The following GRIN2A variants were observed in gnomAD, a reference collection of about 807,000 sequenced individuals.
GRIN2A encodes glutamate ionotropic receptor NMDA type subunit 2A.
Under a neutral mutation model 113.4 loss-of-function variants are expected in GRIN2A, and 22 were observed. The observed-to-expected ratio is 0.19, with a 90% confidence interval of 0.14 to 0.28. The LOEUF (loss-of-function observed/expected upper bound fraction) is 0.28, where lower values mean the gene tolerates loss of function less well. Ranked by LOEUF, GRIN2A falls within the 10% of genes least tolerant of loss-of-function variation. The pLI is 1.00. For synonymous variants in GRIN2A, 827 were observed against 738.4 expected, an observed-to-expected ratio of 1.12 and a Z score of -1.94; for missense variants, 1,502 against 1,887.0, an observed-to-expected ratio of 0.80 and a Z score of 3.78.
intron 4 of GRIN2A, among the ~76,000 whole-genome samples, chr16:9,854,239 G>C (rs1160304292): frequency 6.6e-6 from 1 of 152,046 alleles, no homozygotes; most frequent in African/African-American, 2.4e-5. Context: ...GCAAAATATG[G>C]AAGTATCAAG....
At chr16:9,967,336 C>T (rs982007162) in intron 2 of GRIN2A, among the ~76,000 whole-genome samples, 2 of 152,246 alleles carry the variant, frequency 1.3e-5, no homozygotes, top group African/African-American at 4.8e-5. Flanking sequence ...CGAAGTAACT[C>T]GGGAATGGAA....
intron 2 of GRIN2A, among the ~76,000 whole-genome samples, chr16:10,150,291 C>T (rs928199513): frequency 4.6e-5 from 7 of 152,146 alleles, no homozygotes; most frequent in African/African-American, 1.4e-4. Context: ...AAACTTTAGG[C>T]ACTGGCATCA....
At chr16:10,079,228 CA>C (rs763075230) in intron 2 of GRIN2A, among the ~76,000 whole-genome samples, 3 of 151,522 alleles carry the variant, frequency 2.0e-5, no homozygotes, top group East Asian at 3.9e-4. Context: ...TAATAACAAC[CA>C]AAAAAAATGG....
intron 2 of GRIN2A, among the ~76,000 whole-genome samples, chr16:9,990,552 C>T (rs1274004692): frequency 1.8e-4 from 18 of 101,924 alleles, no homozygotes; most frequent in East Asian, 6.6e-4. Context: ...TACACGCGCG[C>T]GCGCGCGCGC....
At chr16:9,953,132 G>T (rs1050710540) in intron 2 of GRIN2A, among the ~76,000 whole-genome samples, 1 of 152,198 alleles carries the variant, frequency 6.6e-6, no homozygotes, top group African/African-American at 2.4e-5. Context: ...AGAAAAGAGA[G>T]AAAGATCTGA....
intron 8 of GRIN2A, among the ~76,000 whole-genome samples, chr16:9,831,224 G>A (rs1482683687): frequency 6.6e-6 from 1 of 152,190 alleles, no homozygotes; most frequent in African/African-American, 2.4e-5. Context: ...AGTCTTTCCA[G>A]CATGCTTCAG....
intron 2 of GRIN2A, among the ~76,000 whole-genome samples, chr16:10,063,876 T>C (rs1410327261): frequency 6.6e-6 from 1 of 152,138 alleles, no homozygotes; most frequent in African/African-American, 2.4e-5. Context: ...ATGGAGCAAA[T>C]ACCCTCTTCC....
intron 2 of GRIN2A, among the ~76,000 whole-genome samples, chr16:9,955,867 G>A (rs1439887706): frequency 1.3e-5 from 2 of 152,174 alleles, no homozygotes; most frequent in South Asian, 2.1e-4. Context: ...CTCACCGCCA[G>A]CTTCAACAAA....
At chr16:10,072,488 G>A (rs1003123939) in intron 2 of GRIN2A, among the ~76,000 whole-genome samples, 1 of 152,194 alleles carries the variant, frequency 6.6e-6, no homozygotes, top group Non-Finnish European at 1.5e-5. Flanking sequence ...CATGCCCTGA[G>A]TTTCTGTTTT....
intron 11 of GRIN2A, among the ~76,000 whole-genome samples, chr16:9,785,171 A>G (rs532882339): frequency 1.3e-5 from 2 of 152,260 alleles, no homozygotes; most frequent in South Asian, 4.2e-4. Context: ...TCACAATAGC[A>G]AAGACTTGGA....
At chr16:9,802,398 G>A (rs1903416521) in intron 10 of GRIN2A, among the ~76,000 whole-genome samples, 1 of 152,120 alleles carries the variant, frequency 6.6e-6, no homozygotes, top group Non-Finnish European at 1.5e-5. Context: ...AGACATGAAT[G>A]GAGGTGCACA....
intron 2 of GRIN2A, among the ~76,000 whole-genome samples, chr16:9,944,189 G>A (rs1324566718): frequency 1.3e-5 from 2 of 152,196 alleles, no homozygotes; most frequent in Admixed American, 6.5e-5. Context: ...GCATTCTCCT[G>A]TTGAGGACTG....
At chr16:9,824,233 C>T (rs919843960) in intron 9 of GRIN2A, among the ~76,000 whole-genome samples, 5 of 152,184 alleles carry the variant, frequency 3.3e-5, no homozygotes, top group African/African-American at 7.2e-5. Flanking sequence ...TGTGCGTCCA[C>T]GTGTGCATGT....
At chr16:9,965,405 C>T (rs1457791738) in intron 2 of GRIN2A, among the ~76,000 whole-genome samples, 1 of 152,158 alleles carries the variant, frequency 6.6e-6, no homozygotes, top group Admixed American at 6.5e-5. Flanking sequence ...GCCTCAATAT[C>T]ATTAAAAGTT....
chr16:10,172,349 G>A (rs1490927580), intron 2 of GRIN2A, among the ~76,000 whole-genome samples: 1 of 152,228 alleles, frequency 6.6e-6, no homozygotes, highest in African/African-American at 2.4e-5. Flanking sequence ...ACAGGGCCAG[G>A]TGTTATAGGA....
intron 4 of GRIN2A, among the ~76,000 whole-genome samples, chr16:9,850,409 C>T (rs1238277306): frequency 6.6e-6 from 1 of 152,166 alleles, no homozygotes; most frequent in African/African-American, 2.4e-5. Context: ...GAACACAATT[C>T]CCCCTACTTC....
intron 2 of GRIN2A, among the ~76,000 whole-genome samples, chr16:10,176,119 C>T (rs1228697129): frequency 1.3e-5 from 2 of 151,166 alleles, no homozygotes; most frequent in African/African-American, 2.4e-5. Flanking sequence ...ATTCTCCCTG[C>T]CTCAGCCTCC....
chr16:9,978,688 AT>A (rs1200335941), intron 2 of GRIN2A, among the ~76,000 whole-genome samples: 1 of 152,178 alleles, frequency 6.6e-6, no homozygotes, highest in Non-Finnish European at 1.5e-5. Context: ...CTCCAGAAGG[AT>A]TTTTATCACA....
At chr16:10,107,063 C>A (rs561571975) in intron 2 of GRIN2A, among the ~76,000 whole-genome samples, 133 of 152,300 alleles carry the variant, frequency 8.7e-4, no homozygotes, top group Non-Finnish European at 1.7e-3. Flanking sequence ...CCCTAAGGGA[C>A]ATCATGAAGC....
Sources: allele counts gnomAD v4.1 joint callset (sites outside exome capture counted in the v4.1 genomes callset), GRCh38; gene constraint gnomAD v4.1.1; transcripts MANE v1.5; gene names NCBI Gene and HGNC (gene_info 2026-07-23, HGNC 2026-07-21).